Variants in MON2 observed in about 807,000 individuals in gnomAD.
The protein encoded by MON2 is MON2 regulator of endosome-to-Golgi trafficking.
In MON2, 84 loss-of-function variants were observed where a neutral mutation model predicts 208.6. The observed-to-expected ratio is 0.40, with a 90% confidence interval of 0.34 to 0.48. The LOEUF (loss-of-function observed/expected upper bound fraction) is 0.48, where lower values mean the gene tolerates loss of function less well. MON2 is among the 20% of genes least tolerant of loss of function. The pLI, the probability that MON2 is intolerant of heterozygous loss-of-function variation, is 0.59. For synonymous variants in MON2, 660 were observed against 694.0 expected, an observed-to-expected ratio of 0.95 and a Z score of 0.77; for missense variants, 1,611 against 2,015.4, an observed-to-expected ratio of 0.80 and a Z score of 3.84.
At chr12:62,507,321 T>C (rs1271961934) in intron 7 of MON2, among the ~76,000 whole-genome samples, 2 of 151,656 alleles carry the variant, frequency 1.3e-5, no homozygotes, top group African/African-American at 2.4e-5. Context: ...TTTTCTTTTT[T>C]TTTTTTCTGT....
chr12:62,502,373 C>T (rs1235533027), intron 7 of MON2, among the ~76,000 whole-genome samples: 2 of 150,308 alleles, frequency 1.3e-5, no homozygotes, highest in Admixed American at 1.3e-4. Context: ...TACATTCCAG[C>T]CTGGGTGAGA....
At chr12:62,468,772 G>A (rs368246258) in intron 1 of MON2, among the ~76,000 whole-genome samples, 7 of 152,146 alleles carry the variant, frequency 4.6e-5, no homozygotes, top group African/African-American at 1.2e-4. Flanking sequence ...AAAGAATTAA[G>A]TTGTTTTAAT....
chr12:62,555,842 C>CTATT (rs2073946953), intron 24 of MON2, 152 bp from the exon 25 acceptor site: 1 of 502,962 alleles, frequency 2.0e-6, no homozygotes, highest in South Asian at 2.3e-5. Context: ...TATAATTACT[C>CTATT]TATTGGTCAG....
chr12:62,565,885 G>A (rs2074365900), intron 27 of MON2, 129 bp from the exon 28 acceptor site: 1 of 758,290 alleles, frequency 1.3e-6, no homozygotes, highest in Non-Finnish European at 2.0e-6. Context: ...GTAAATTTCT[G>A]AATGCATGCC....
chr12:62,547,132 AAAATT>A, intron 22 of MON2, 60 bp downstream of exon 22: 1 of 1,123,752 alleles, frequency 8.9e-7, no homozygotes, highest in South Asian at 2.7e-5. Context: ...TAAATAAAAT[AAAATT>A]AACATCAAAA....
intron 30 of MON2, among the ~76,000 whole-genome samples, chr12:62,577,803 T>G (rs1283669875): frequency 6.6e-6 from 1 of 152,152 alleles, no homozygotes; most frequent in Admixed American, 6.5e-5. Context: ...TCAACTGTTT[T>G]TAAATAGTAT....
intron 26 of MON2, among the ~76,000 whole-genome samples, chr12:62,564,300 A>G (rs576296222): frequency 1.3e-5 from 2 of 152,118 alleles, no homozygotes; most frequent in South Asian, 2.1e-4. Context: ...GAAACTTTTT[A>G]AAAAAGTTAA....
chr12:62,537,134 T>C lies in MON2; in HGVS notation c.1901-17T>C, dbSNP rs767769856. 1.4e-6 allele frequency: 2 copies of C among 1,431,022 alleles called. No homozygotes were observed. The highest frequency in any genetic ancestry group is 4.6e-5 in the East Asian group (2 of 43,196). 88.6% of individuals were successfully genotyped at this position (1,431,022 alleles called of 1,614,324 possible). On this transcript the variant is annotated splice_polypyrimidine_tract_variant and intron_variant, in intron 14 of 34. Transcript: ENST00000393630. ...AAAAATATATTTTAATTATTTAGGC[T>C]TTCCTTTGTGTTCTAGCATATTCCG...
At chr12:62,524,995 C>T (rs1214817694) in intron 9 of MON2, 89 bp from the exon 10 acceptor site, 2 of 1,125,236 alleles carry the variant, frequency 1.8e-6, no homozygotes, top group African/African-American at 1.6e-5. Flanking sequence ...TTTGGTAACT[C>T]TTATAGTAAT....
chr12:62,506,097 TTTAAGAATTGC>T (rs2071086676), intron 7 of MON2, among the ~76,000 whole-genome samples: 2 of 152,122 alleles, frequency 1.3e-5, no homozygotes, highest in Admixed American at 6.6e-5. Context: ...TGGTAAAACT[TTTAAGAATTGC>T]TTAAGAATTG....
intron 11 of MON2, among the ~76,000 whole-genome samples, chr12:62,531,101 G>T (rs945045778): frequency 7.9e-5 from 12 of 152,146 alleles, no homozygotes; most frequent in African/African-American, 2.7e-4. Flanking sequence ...AATTTTAAGA[G>T]TTATATATTC....
At chr12:62,566,558 T>G (rs2074392599) in intron 29 of MON2, 108 bp downstream of exon 29, 3 of 1,092,738 alleles carry the variant, frequency 2.7e-6, no homozygotes, top group Non-Finnish European at 3.8e-6. Flanking sequence ...AAATACAATT[T>G]GTAGTATTAT....
chr12:62,499,650 G>A (rs1188414365), intron 5 of MON2, among the ~76,000 whole-genome samples: 1 of 152,078 alleles, frequency 6.6e-6, no homozygotes, highest in Non-Finnish European at 1.5e-5. Context: ...GAGGTGGGTG[G>A]ATTGCCTGAC....
chr12:62,492,662 C>T (rs1274775159), intron 2 of MON2, among the ~76,000 whole-genome samples: 14 of 146,782 alleles, frequency 9.5e-5, no homozygotes, highest in Non-Finnish European at 1.7e-4. Flanking sequence ...TGAGCCACCG[C>T]GCCCGGCCGT....
intron 1 of MON2, among the ~76,000 whole-genome samples, chr12:62,467,575 A>G (rs899583690): frequency 1.3e-5 from 2 of 152,204 alleles, no homozygotes; most frequent in African/African-American, 4.8e-5. Flanking sequence ...TAATCCAGCT[A>G]GGTGTACTGT....
chr12:62,511,084 A>G (rs532479748), intron 8 of MON2, among the ~76,000 whole-genome samples: 6 of 152,354 alleles, frequency 3.9e-5, no homozygotes, highest in African/African-American at 1.4e-4. Flanking sequence ...ACTGGAAACT[A>G]TAAAACATTA....
chr12:62,557,453 AAT>A (rs1169947316), intron 25 of MON2, among the ~76,000 whole-genome samples: 1 of 152,224 alleles, frequency 6.6e-6, no homozygotes, highest in East Asian at 1.9e-4. Context: ...TATAACAAAG[AAT>A]TATACAACCA....
chr12:62,471,257 A>G (rs2068773242), intron 1 of MON2, among the ~76,000 whole-genome samples: 1 of 152,190 alleles, frequency 6.6e-6, no homozygotes, highest in Admixed American at 6.5e-5. Context: ...ATCTCGGCTC[A>G]CTGCAACCTC....
At chr12:62,565,498 A>G (rs2074346872) in intron 27 of MON2, 118 bp downstream of exon 27, 2 of 879,008 alleles carry the variant, frequency 2.3e-6, no homozygotes, top group Non-Finnish European at 3.4e-6. Flanking sequence ...TCACAAATAT[A>G]TTTATACATG....
Sources: allele counts gnomAD v4.1 joint callset (sites outside exome capture counted in the v4.1 genomes callset), GRCh38; gene constraint gnomAD v4.1.1; transcripts MANE v1.5; gene names NCBI Gene and HGNC (gene_info 2026-07-23, HGNC 2026-07-21).